Variants in PCDHGA4 observed in about 807,000 individuals in gnomAD.
The protein encoded by PCDHGA4 is protocadherin gamma-A4.
PCDHGA4 carries 38 observed loss-of-function variants against 54.6 expected under a neutral mutation model. The observed-to-expected ratio is 0.70, with a 90% CI of 0.54 to 0.91. The LOEUF is 0.91. PCDHGA4 is among the 40% of genes least tolerant of loss of function. The pLI is 0.00. For synonymous variants in PCDHGA4, 511 were observed against 512.9 expected (o/e 1.00, Z 0.05); for missense variants, 1,298 against 1,220.9 (o/e 1.06, Z -0.94).
Position 141,432,110 on chromosome 5 carries a change from G to T in PCDHGA4, c.2515-62697G>T, listed in dbSNP as rs768038692. The T allele has an allele frequency of 6.2e-7, 1 of 1,614,108 alleles. No homozygotes were observed. Among genetic ancestry groups the T allele is most frequent in the Non-Finnish European group, 8.5e-7 (1 of 1,180,036 alleles). ...GGCAGACACCAACGACAACCCGCCG[G>T]TCTTCCCTCAGGCCTCCTATTCCGC... On this transcript the variant is annotated intron_variant, in intron 1 of 3. Coordinates refer to ENST00000571252, the MANE Select transcript of PCDHGA4 (RefSeq NM_018917.4). The surrounding 1 kb of genome is among the most constrained non-coding windows in gnomAD (Gnocchi z 6.0).
chr5:141,448,190 C>T (rs1426828578), intron 1 of PCDHGA4, among the ~76,000 whole-genome samples: 1 of 152,118 alleles, frequency 6.6e-6, no homozygotes, highest in Non-Finnish European at 1.5e-5. Flanking sequence ...GTTATGTACA[C>T]TTACAAACAT....
intron 1 of PCDHGA4, among the ~76,000 whole-genome samples, chr5:141,443,505 A>G (rs553893860): frequency 4.4e-4 from 67 of 152,222 alleles, no homozygotes; most frequent in African/African-American, 1.4e-3. Context: ...AAACAAATAA[A>G]GAGCTTCTCT....
At chr5:141,389,111 C>T (rs752785695) in intron 1 of PCDHGA4, 4 of 1,614,008 alleles carry the variant, frequency 2.5e-6, no homozygotes, top group South Asian at 1.1e-5. Flanking sequence ...CTGTTCTAGA[C>T]CGCGAGCAGA....
Position 141,388,879 on chromosome 5 carries a change from A to C in PCDHGA4, c.2514+31258A>C, listed in dbSNP as rs771776263. 3 of 1,613,956 alleles carry C rather than the reference A, an allele frequency of 1.9e-6. No individual in the cohort carries two copies. In the East Asian group the frequency reaches 6.7e-5, roughly 36 times the overall value. ...GGAATGATTGCGCAATGCACAGTGG[A>C]GGTAGAAGTCATAGATGAAAATGAC... On this transcript the variant is annotated intron_variant, in intron 1 of 3. Transcript: ENST00000571252.
chr5:141,431,405 G>A lies in PCDHGA4; in HGVS notation c.2515-63402G>A, dbSNP rs2097369508. Reference sequence around the variant, plus strand: ...TCACCACCTGGTCCTTACGGCCTCCGACGGGGGCGACCCGGTGCGCACAGG... The same window carrying A: ...TCACCACCTGGTCCTTACGGCCTCCAACGGGGGCGACCCGGTGCGCACAGG... On this transcript the variant is annotated intron_variant, in intron 1 of 3. Transcript: ENST00000571252. The surrounding 1 kb of genome is among the most constrained non-coding windows in gnomAD (Gnocchi z 4.8). 1 of 1,613,614 alleles carries A rather than the reference G, an allele frequency of 6.2e-7. No individual in the cohort carries two copies.
Position 141,489,569 on chromosome 5 carries a change from C to T in PCDHGA4, c.2515-5238C>T. On this transcript the variant is annotated intron_variant, in intron 1 of 3. Coordinates refer to ENST00000571252, the MANE Select transcript of PCDHGA4 (RefSeq NM_018917.4). This position sits in a 1 kb window ranked among gnomAD's most constrained non-coding sequence, Gnocchi z 4.5. ...TGCCTGCTGCCAGTGCAGGTGGTGACTGAACACCCCCTGGAGCTAATCCGT... is the reference window on the plus strand; with the variant it reads ...TGCCTGCTGCCAGTGCAGGTGGTGATTGAACACCCCCTGGAGCTAATCCGT... 6.2e-7 allele frequency: 1 copy of T among 1,614,024 alleles called. No homozygotes were observed. The highest frequency in any genetic ancestry group is 2.2e-5 in the East Asian group (1 of 44,870).
chr5:141,375,128 G>C (rs372521976), intron 1 of PCDHGA4: 1 of 1,613,780 alleles, frequency 6.2e-7, no homozygotes, highest in Non-Finnish European at 8.5e-7. Flanking sequence ...AGAAGTGGTT[G>C]TTACATCTGG....
rs930862898 is a variant in PCDHGA4 at position 141,480,073 on chromosome 5, C to A, written c.2515-14734C>A. ...GGAATAATAAGTGTTTTATAAGATT[C>A]ATGCATGATATAATGTATGCAAAGT... On this transcript the variant is annotated intron_variant, in intron 1 of 3. Coordinates refer to ENST00000571252, the MANE Select transcript of PCDHGA4 (RefSeq NM_018917.4). Among the ~76,000 whole-genome samples, 5 of 152,174 alleles carry A rather than the reference C, an allele frequency of 3.3e-5. No homozygotes were observed. In the South Asian group the frequency reaches 8.3e-4, roughly 25 times the overall value.
chr5:141,371,913 G>T (rs569737317), intron 1 of PCDHGA4: 1 of 1,613,394 alleles, frequency 6.2e-7, no homozygotes, highest in African/African-American at 1.3e-5. Flanking sequence ...CTACGTGTCC[G>T]TGAGCGCGCG....
intron 1 of PCDHGA4, among the ~76,000 whole-genome samples, chr5:141,450,777 G>A (rs907160074): frequency 1.3e-5 from 2 of 150,004 alleles, no homozygotes; most frequent in East Asian, 2.0e-4. Context: ...ATGAGCCACC[G>A]TGCCCGGACC....
intron 1 of PCDHGA4, chr5:141,382,957 C>T (rs1350220102): frequency 6.2e-7 from 1 of 1,606,282 alleles, no homozygotes; most frequent in Non-Finnish European, 8.5e-7. Flanking sequence ...CTCCATCCTC[C>T]TGGGGACCCC....
chr5:141,478,376 C>T, intron 1 of PCDHGA4: 4 of 1,613,672 alleles, frequency 2.5e-6, no homozygotes, highest in Non-Finnish European at 3.4e-6. Flanking sequence ...CCTGATGTCG[C>T]CGCACCTTTA....
intron 2 of PCDHGA4, among the ~76,000 whole-genome samples, chr5:141,496,492 C>A (rs2099769172): frequency 6.6e-6 from 1 of 152,186 alleles, no homozygotes; most frequent in Non-Finnish European, 1.5e-5. Context: ...CCAACCAAAC[C>A]CTTGTTGCCA....
intron 1 of PCDHGA4, among the ~76,000 whole-genome samples, chr5:141,445,609 T>A (rs900534761): frequency 1.3e-5 from 2 of 152,220 alleles, no homozygotes; most frequent in African/African-American, 4.8e-5. Flanking sequence ...CAAGGAAGGC[T>A]TTCTTTTTTT....
At chr5:141,433,767 G>A (rs1237334342) in intron 1 of PCDHGA4, among the ~76,000 whole-genome samples, 1 of 151,532 alleles carries the variant, frequency 6.6e-6, no homozygotes, top group East Asian at 1.9e-4. Flanking sequence ...AACCTGGGAG[G>A]TGGAGGTTGC....
intron 1 of PCDHGA4, chr5:141,362,326 C>T: frequency 6.2e-7 from 1 of 1,614,070 alleles, no homozygotes; most frequent in African/African-American, 1.3e-5. Flanking sequence ...TCAGCCTGGT[C>T]TCAGCTCCAA....
chr5:141,393,950 T>C (rs1203228447), intron 1 of PCDHGA4: 1 of 1,613,996 alleles, frequency 6.2e-7, no homozygotes, highest in Non-Finnish European at 8.5e-7. Context: ...CTGGAAAGAA[T>C]GGTCAAGTTG....
At position 141,401,132 on chromosome 5, in the gene PCDHGA4, A is replaced by G. The variant is rs534048041; in HGVS notation, c.2514+43511A>G. Among the ~76,000 whole-genome samples, 4 of 152,344 alleles carry G rather than the reference A, an allele frequency of 2.6e-5. No homozygotes were observed. In the South Asian group the frequency reaches 8.3e-4, roughly 32 times the overall value. ...GCCGAGGCGGTTGGATCACATGGTCAGGAGTTCAAGACCAGCCTGGGCAAT... is the reference window on the plus strand; with the variant it reads ...GCCGAGGCGGTTGGATCACATGGTCGGGAGTTCAAGACCAGCCTGGGCAAT... On this transcript the variant is annotated intron_variant, in intron 1 of 3. Coordinates refer to ENST00000571252, the MANE Select transcript of PCDHGA4 (RefSeq NM_018917.4).
rs569451436 is a variant in PCDHGA4, at chr5:141,389,774, A to G, written c.2514+32153A>G. The G allele has an allele frequency of 2.5e-6, 4 of 1,613,170 alleles. No individual in the cohort carries two copies. The African/African-American group carries it at 5.3e-5, about 21-fold the overall frequency. On this transcript the variant is annotated intron_variant, in intron 1 of 3. Transcript: ENST00000571252. ...GCGAAGTGCGCACAGCGCGTGCCTTAGGCGACAGGGACGCCGTCCGCCAGC... is the reference window on the plus strand; with the variant it reads ...GCGAAGTGCGCACAGCGCGTGCCTTGGGCGACAGGGACGCCGTCCGCCAGC...
Sources: allele counts gnomAD v4.1 joint callset (sites outside exome capture counted in the v4.1 genomes callset), GRCh38; gene constraint gnomAD v4.1.1; non-coding constraint Gnocchi (gnomAD v3.1); transcripts MANE v1.5; gene names NCBI Gene and HGNC (gene_info 2026-07-23, HGNC 2026-07-21).